The following MCTP1 variants were observed in gnomAD, a reference collection of about 807,000 sequenced individuals.
MCTP1 encodes the protein multiple C2 and transmembrane domain containing 1.
MCTP1 carries 69 observed loss-of-function variants against 120.6 expected under a neutral mutation model. That is an observed-to-expected ratio of 0.57 (90% CI 0.47 to 0.70). The LOEUF is 0.70. Among genes scored for constraint, MCTP1 ranks in the 30% least tolerant of loss-of-function variants. MCTP1 has a pLI of 0.00. For missense variants in MCTP1, 1,203 were observed against 1,248.8 expected, an observed-to-expected ratio of 0.96 and a Z score of 0.55; for synonymous variants, 529 against 493.1, an observed-to-expected ratio of 1.07 and a Z score of -0.96.
intron 6 of MCTP1, among the ~76,000 whole-genome samples, chr5:94,928,854 T>C (rs879136920): frequency 2.0e-5 from 3 of 151,778 alleles, no homozygotes; most frequent in Admixed American, 1.3e-4. Flanking sequence ...AAAGAAAAAA[T>C]AAGTTAGTCC....
chr5:94,747,995 C>CA (rs994591853), intron 19 of MCTP1, among the ~76,000 whole-genome samples: 1 of 152,052 alleles, frequency 6.6e-6, no homozygotes, highest in Non-Finnish European at 1.5e-5. Flanking sequence ...GAGGCTGAGG[C>CA]AAAATAATTG....
rs536903403 is a variant in MCTP1, at chr5:95,255,715, A to G, written c.720+28141T>C. Among the ~76,000 whole-genome samples, 4 of 152,314 alleles carry G rather than the reference A, an allele frequency of 2.6e-5. No individual in the cohort carries two copies. In the South Asian group the frequency reaches 8.3e-4, roughly 32 times the overall value. On this transcript the variant is annotated intron_variant, in intron 1 of 22. Coordinates refer to ENST00000515393, the MANE Select transcript of MCTP1 (RefSeq NM_024717.7). Reference sequence around the variant, plus strand: ...CTTATTTTAAACAGGAATATAGAGAACAAAAGTCAGATATTACTTGAGAAG... The same window carrying G: ...CTTATTTTAAACAGGAATATAGAGAGCAAAAGTCAGATATTACTTGAGAAG...
intron 1 of MCTP1, among the ~76,000 whole-genome samples, chr5:95,140,845 A>G (rs191017711): frequency 7.2e-4 from 95 of 131,388 alleles, no homozygotes; most frequent in African/African-American, 2.6e-3. Context: ...GCGCCACTGC[A>G]CTCCAGCCTG....
Position 95,284,571 on chromosome 5 carries a change from T to A in MCTP1, c.5A>T (p.Glu2Val). The A allele has an allele frequency of 1.4e-6, 2 of 1,432,274 alleles. No homozygotes were observed. Among genetic ancestry groups the A allele is most frequent in the Non-Finnish European group, 1.8e-6 (2 of 1,106,202 alleles). The allele number at this position is 1,432,274 out of a possible 1,614,324, so 88.7% of individuals were successfully genotyped here. A position where few individuals can be genotyped will look rare whatever the true frequency, so the allele number is the denominator to read the frequency against. Residue 2 changes from glutamate (E) to valine (V), a missense_variant, in exon 1 of 23, where the codon GAG (glutamate) becomes GTG (valine). Physicochemically the swap from Glu to Val is moderately radical, Grantham distance 121. Around this residue, in one of 2 missense-constraint regions of MCTP1, gnomAD observed 463 missense variants for 377.8 expected, o/e 1.23. Transcript: ENST00000515393. The surrounding 1 kb of genome is among the most constrained non-coding windows in gnomAD (Gnocchi z 5.2). ...CTCGCCCGCCGCGGCAGCCCGGGGC[T>A]CCATCCTCCACCCCCTGCTCCTCCT... is the stretch of plus-strand genomic sequence containing the variant. M[E>V]PRAAAAGEPE... is the part of the protein sequence containing the mutation.
chr5:94,722,729 G>GTGAA (rs1321325633), intron 19 of MCTP1, among the ~76,000 whole-genome samples: 1 of 152,144 alleles, frequency 6.6e-6, no homozygotes, highest in East Asian at 1.9e-4. Context: ...TTGGCAAAAG[G>GTGAA]TGAATGGTAA....
At position 95,013,170 on chromosome 5, in the gene MCTP1, T is replaced by G. The variant is rs547707537; in HGVS notation, c.838+4197A>C. Among the ~76,000 whole-genome samples the G allele has an allele frequency of 3.9e-5, 6 of 152,098 alleles. 1 individual carries two copies. In the South Asian group the frequency reaches 1.3e-3, roughly 32 times the overall value. The stretch of plus-strand genomic sequence containing the variant: ...AACCAAAGCCTAATCCAGAACAAAG[T>G]CCCTAACTCTCTTCAATTCTATGAA... On this transcript the variant is annotated intron_variant, in intron 2 of 22. Coordinates refer to ENST00000515393, the MANE Select transcript of MCTP1 (RefSeq NM_024717.7).
intron 1 of MCTP1, among the ~76,000 whole-genome samples, chr5:95,028,941 G>A (rs183509414): frequency 2.9e-3 from 444 of 152,164 alleles, no homozygotes; most frequent in Non-Finnish European, 4.9e-3. Flanking sequence ...GCGGGCGATC[G>A]TGAGGTCAGG....
intron 17 of MCTP1, among the ~76,000 whole-genome samples, chr5:94,845,885 A>C (rs1487059519): frequency 6.6e-6 from 1 of 152,166 alleles, no homozygotes; most frequent in Non-Finnish European, 1.5e-5. Context: ...TGTGGCCAAG[A>C]AGCATATGAG....
intron 1 of MCTP1, among the ~76,000 whole-genome samples, chr5:95,077,021 A>G (rs1327077182): frequency 6.6e-6 from 1 of 152,174 alleles, no homozygotes; most frequent in Admixed American, 6.5e-5. Context: ...TTCCTAACTC[A>G]AGCCTTTAGT....
intron 19 of MCTP1, among the ~76,000 whole-genome samples, chr5:94,762,039 C>T (rs186364294): frequency 3.9e-5 from 6 of 152,310 alleles, no homozygotes; most frequent in Admixed American, 3.9e-4. Flanking sequence ...CTGACTAGAA[C>T]CATACGAGAG....
intron 1 of MCTP1, among the ~76,000 whole-genome samples, chr5:95,037,786 C>T (rs1176503000): frequency 2.6e-5 from 4 of 152,236 alleles, no homozygotes; most frequent in African/African-American, 9.6e-5. Context: ...GGGAGAATCG[C>T]GTGAACCCAT....
chr5:95,262,537 G>A (rs552542807), intron 1 of MCTP1, among the ~76,000 whole-genome samples: 16 of 152,294 alleles, frequency 1.1e-4, no homozygotes, highest in Non-Finnish European at 2.1e-4. Flanking sequence ...ACTAAAATCT[G>A]AGACAGGACT....
At chr5:95,021,568 T>C (rs1838203451) in intron 1 of MCTP1, among the ~76,000 whole-genome samples, 1 of 152,072 alleles carries the variant, frequency 6.6e-6, no homozygotes, top group African/African-American at 2.4e-5. Flanking sequence ...ATGGGTTTTG[T>C]TTCTATTGTA....
chr5:94,883,005 C>T (rs1249447714), intron 12 of MCTP1, among the ~76,000 whole-genome samples: 1 of 152,130 alleles, frequency 6.6e-6, no homozygotes, highest in Non-Finnish European at 1.5e-5. Context: ...TTTAGAAGAA[C>T]ACTTTTCCTA....
rs1160597469 is a variant in MCTP1 at position 95,154,885 on chromosome 5, G to A, written c.720+128971C>T. On this transcript the variant is annotated intron_variant, in intron 1 of 22. Coordinates refer to ENST00000515393, the MANE Select transcript of MCTP1 (RefSeq NM_024717.7). ...TCCATGATTTATTAAGGTTAGCCTT[G>A]ATGGATATCTTATTTAGAGTTTTTT... Among the ~76,000 whole-genome samples, 3 of 152,168 alleles carry A rather than the reference G, an allele frequency of 2.0e-5. No homozygotes were observed. In the East Asian group the frequency reaches 5.8e-4, roughly 29 times the overall value.
chr5:95,176,465 G>T, intron 1 of MCTP1, among the ~76,000 whole-genome samples: 1 of 152,218 alleles, frequency 6.6e-6, no homozygotes, highest in African/African-American at 2.4e-5. Context: ...GCAGAGGTTG[G>T]AGTGAGCTGA....
At chr5:95,273,693 G>C (rs1267400608) in intron 1 of MCTP1, among the ~76,000 whole-genome samples, 1 of 152,178 alleles carries the variant, frequency 6.6e-6, no homozygotes, top group Non-Finnish European at 1.5e-5. Context: ...GGAGCTATTA[G>C]AGTACATAGG....
chr5:94,723,384 A>G (rs771380337), intron 19 of MCTP1, among the ~76,000 whole-genome samples: 31 of 152,238 alleles, frequency 2.0e-4, no homozygotes, highest in Non-Finnish European at 4.4e-4. Flanking sequence ...TGTTAAAAAC[A>G]AAATTTTGAG....
chr5:94,811,732 T>C (rs1783470699), intron 17 of MCTP1, among the ~76,000 whole-genome samples: 1 of 152,196 alleles, frequency 6.6e-6, no homozygotes. Flanking sequence ...TTAGCTCTTG[T>C]CAAACTGTTA....
Sources: gnomAD v4.1 joint callset for allele counts (sites outside exome capture counted in the v4.1 genomes callset) on GRCh38, gnomAD v4.1.1 for gene constraint, gnomAD v4.1.1 regional missense constraint, Gnocchi (gnomAD v3.1) non-coding constraint, MANE v1.5 for transcripts, NCBI Gene and HGNC (gene_info 2026-07-23, HGNC 2026-07-21) for gene names.